CCDC57: variants seen among roughly 807,000 people sequenced by gnomAD.
CCDC57 encodes the protein coiled-coil domain containing 57.
In CCDC57, 118 loss-of-function variants were observed where a neutral mutation model predicts 118.9. The observed-to-expected ratio is 0.99, with a 90% confidence interval of 0.86 to 1.16. The LOEUF is 1.16. CCDC57 is among the 50% of genes most tolerant of loss of function. The pLI, the probability that CCDC57 is intolerant of heterozygous loss-of-function variation, is 0.00. For synonymous variants in CCDC57, 527 were observed against 532.9 expected (o/e 0.99, Z 0.15); for missense variants, 1,300 against 1,320.7 (o/e 0.98, Z 0.24).
intron 19 of CCDC57, among the ~76,000 whole-genome samples, chr17:82,102,198 TGGGTCCCAGGA>T (rs1038430025): frequency 6.6e-6 from 1 of 152,140 alleles, no homozygotes; most frequent in Non-Finnish European, 1.5e-5. Context: ...TGTGTGGTAA[TGGGTCCCAGGA>T]GGGGGCAGGG....
At chr17:82,147,222 G>GTCGA (rs2040873080) in intron 16 of CCDC57, among the ~76,000 whole-genome samples, 1 of 147,396 alleles carries the variant, frequency 6.8e-6, no homozygotes, top group Admixed American at 6.9e-5. Flanking sequence ...GCATGGGTAG[G>GTCGA]TGGATGGATG....
chr17:82,174,732 C>A (rs1004043621), intron 11 of CCDC57, among the ~76,000 whole-genome samples: 1 of 152,198 alleles, frequency 6.6e-6, no homozygotes, highest in African/African-American at 2.4e-5. Context: ...CACCTGGTAC[C>A]GTTGCTTTTT....
At chr17:82,208,891 CAG>C (rs2049972084) in intron 1 of CCDC57, among the ~76,000 whole-genome samples, 1 of 152,082 alleles carries the variant, frequency 6.6e-6, no homozygotes, top group Non-Finnish European at 1.5e-5. Context: ...TGTTTTGAAA[CAG>C]AGTCTCAGTC....
At chr17:82,149,926 C>T (rs2041647625) in intron 16 of CCDC57, among the ~76,000 whole-genome samples, 1 of 149,730 alleles carries the variant, frequency 6.7e-6, no homozygotes, top group Admixed American at 6.7e-5. Context: ...AAGGCCCACA[C>T]CCAGAACCTG....
At chr17:82,169,262 G>A (rs984361785) in intron 13 of CCDC57, among the ~76,000 whole-genome samples, 3 of 152,144 alleles carry the variant, frequency 2.0e-5, no homozygotes, top group Non-Finnish European at 4.4e-5. Flanking sequence ...AAGTGGCTGG[G>A]ATTACAGGTG....
chr17:82,158,497 C>T (rs1345744990), intron 14 of CCDC57, among the ~76,000 whole-genome samples: 1 of 151,762 alleles, frequency 6.6e-6, no homozygotes, highest in African/African-American at 2.4e-5. Flanking sequence ...ACCATCCTGG[C>T]CAACATGGTG....
chr17:82,108,138 TC>T (rs1250399125), intron 19 of CCDC57, among the ~76,000 whole-genome samples: 1 of 152,214 alleles, frequency 6.6e-6, no homozygotes, highest in Admixed American at 6.5e-5. Context: ...CAGGCCACTG[TC>T]CCCTTGGCCA....
At chr17:82,178,490 G>C (rs1185943650) in exon 11 of CCDC57, 1 of 1,612,774 alleles carries the variant, frequency 6.2e-7, no homozygotes, top group Non-Finnish European at 8.5e-7. Flanking sequence ...CCCTGGTCTG[G>C]GGAGCCCATG....
chr17:82,114,648 G>A (rs980740590), intron 19 of CCDC57, among the ~76,000 whole-genome samples: 3 of 152,028 alleles, frequency 2.0e-5, no homozygotes, highest in Non-Finnish European at 2.9e-5. Context: ...TCACGATCCC[G>A]TGCTCTGTCT....
chr17:82,187,685 G>A (rs1222324719), intron 8 of CCDC57, among the ~76,000 whole-genome samples: 1 of 79,782 alleles, frequency 1.3e-5, no homozygotes, highest in Non-Finnish European at 2.5e-5. Context: ...GGCAGGGGTT[G>A]CGGGGGGTGC....
chr17:82,179,988 C>T (rs571540224), intron 9 of CCDC57, among the ~76,000 whole-genome samples: 10 of 152,292 alleles, frequency 6.6e-5, no homozygotes, highest in East Asian at 1.9e-4. Context: ...GATCCTGTGA[C>T]GGGGGAGAGG....
intron 14 of CCDC57, among the ~76,000 whole-genome samples, chr17:82,161,356 G>A (rs974479994): frequency 6.6e-6 from 1 of 152,080 alleles, no homozygotes; most frequent in Admixed American, 6.6e-5. Context: ...CTCCTCAAAG[G>A]GTTCAACACA....
chr17:82,199,467 G>C (rs1163273368), intron 3 of CCDC57, among the ~76,000 whole-genome samples: 1 of 44,294 alleles, frequency 2.3e-5, no homozygotes, highest in Non-Finnish European at 4.1e-5. Context: ...GACAGAGCAA[G>C]ACTCTGTCTC....
intron 13 of CCDC57, among the ~76,000 whole-genome samples, chr17:82,164,211 G>C (rs1019126653): frequency 2.0e-5 from 3 of 151,278 alleles, no homozygotes; most frequent in African/African-American, 7.3e-5. Flanking sequence ...CCCTGTCTCT[G>C]CTAAAAAAAA....
intron 19 of CCDC57, among the ~76,000 whole-genome samples, chr17:82,103,235 G>T (rs1046089925): frequency 6.6e-6 from 1 of 152,194 alleles, no homozygotes; most frequent in African/African-American, 2.4e-5. Context: ...CTTCCACTCC[G>T]ATCCACTCTT....
intron 9 of CCDC57, among the ~76,000 whole-genome samples, 172 bp downstream of exon 8, chr17:82,183,602 C>T (rs1409715595): frequency 1.3e-5 from 2 of 152,150 alleles, no homozygotes; most frequent in African/African-American, 2.4e-5. Flanking sequence ...TGCATGTCTT[C>T]CCACACCACC....
intron 16 of CCDC57, among the ~76,000 whole-genome samples, chr17:82,140,338 G>GAA (rs2039852046): frequency 6.6e-6 from 1 of 151,544 alleles, no homozygotes; most frequent in African/African-American, 2.4e-5. Context: ...TGCCTGCCTC[G>GAA]GCCTCCCAAA....
chr17:82,176,313 C>G (rs1378095318), intron 11 of CCDC57, among the ~76,000 whole-genome samples: 1 of 152,170 alleles, frequency 6.6e-6, no homozygotes, highest in African/African-American at 2.4e-5. Context: ...GGCATAAAAC[C>G]CCTTCTAGCC....
rs996364159 is a variant in CCDC57, at chr17:82,119,439, C to T, written c.2899+8253G>A. Among the ~76,000 whole-genome samples the T allele has an allele frequency of 4.6e-5, 7 of 151,936 alleles. No individual in the cohort carries two copies. The East Asian group carries it at 1.2e-3, about 26-fold the overall frequency. On this transcript the variant is annotated intron_variant, in intron 19 of 19. Transcript: ENST00000665763. Reference sequence around the variant, plus strand: ...GCCCCTGCACCTGTGGGTGCCCCCCCACCCCTGTGCACCTACGGGTACCCC... The same window carrying T: ...GCCCCTGCACCTGTGGGTGCCCCCCTACCCCTGTGCACCTACGGGTACCCC...
Sources: allele counts gnomAD v4.1 joint callset (sites outside exome capture counted in the v4.1 genomes callset), GRCh38; gene constraint gnomAD v4.1.1; transcripts MANE v1.5; gene names NCBI Gene and HGNC (gene_info 2026-07-23, HGNC 2026-07-21).